The following DOCK3 variants were observed in gnomAD, a reference collection of about 807,000 sequenced individuals.
The protein encoded by DOCK3 is dedicator of cytokinesis protein 3.
Under a neutral mutation model 265.6 loss-of-function variants are expected in DOCK3, and 60 were observed. The ratio of observed to expected loss-of-function variants is 0.23; its 90% CI spans 0.18 to 0.28. DOCK3 has a LOEUF of 0.28. Among genes scored for constraint, DOCK3 ranks in the 10% least tolerant of loss-of-function variants. The pLI is 1.00. For synonymous variants in DOCK3, 881 were observed against 938.0 expected, an observed-to-expected ratio of 0.94 and a Z score of 1.11; for missense variants, 1,981 against 2,594.3, an observed-to-expected ratio of 0.76 and a Z score of 5.14.
chr3:51,075,927 A>G (rs2082041350), intron 7 of DOCK3, among the ~76,000 whole-genome samples: 1 of 152,220 alleles, frequency 6.6e-6, no homozygotes, highest in African/African-American at 2.4e-5. Flanking sequence ...TCTAGATGCA[A>G]AGTAAATAAA....
chr3:51,129,623 C>T (rs1277122971), intron 9 of DOCK3, among the ~76,000 whole-genome samples: 1 of 152,130 alleles, frequency 6.6e-6, no homozygotes, highest in Non-Finnish European at 1.5e-5. Flanking sequence ...TGACTTAACC[C>T]ATAGTCAAAC....
intron 9 of DOCK3, among the ~76,000 whole-genome samples, chr3:51,105,684 A>G (rs1339050831): frequency 2.0e-5 from 3 of 152,216 alleles, no homozygotes; most frequent in African/African-American, 7.2e-5. Context: ...CAAGATGGCC[A>G]ATTAGATGGA....
intron 4 of DOCK3, among the ~76,000 whole-genome samples, chr3:50,896,220 T>C (rs2048888582): frequency 6.6e-6 from 1 of 152,228 alleles, no homozygotes; most frequent in Non-Finnish European, 1.5e-5. Context: ...TATTTCATTG[T>C]GGTTTTGATT....
At chr3:51,298,774 G>T (rs1248979362) in intron 27 of DOCK3, among the ~76,000 whole-genome samples, 1 of 152,126 alleles carries the variant, frequency 6.6e-6, no homozygotes, top group African/African-American at 2.4e-5. Flanking sequence ...AGTATTCCAT[G>T]GTGTATATGT....
chr3:50,915,508 T>C (rs1221983937), intron 4 of DOCK3, among the ~76,000 whole-genome samples: 1 of 152,058 alleles, frequency 6.6e-6, no homozygotes, highest in Non-Finnish European at 1.5e-5. Flanking sequence ...GTGTGGCCTG[T>C]AGGGCAAGGT....
At chr3:50,868,159 C>T (rs2047234511) in intron 3 of DOCK3, among the ~76,000 whole-genome samples, 1 of 151,944 alleles carries the variant, frequency 6.6e-6, no homozygotes, top group Non-Finnish European at 1.5e-5. Context: ...CTACAACCTC[C>T]ACCTCCCAGG....
intron 5 of DOCK3, among the ~76,000 whole-genome samples, chr3:51,036,083 C>A (rs1181001876): frequency 6.6e-6 from 1 of 152,134 alleles, no homozygotes; most frequent in African/African-American, 2.4e-5. Context: ...TTTTAAACAT[C>A]ACTGGGGATG....
intron 1 of DOCK3, among the ~76,000 whole-genome samples, chr3:50,758,907 A>G (rs2040359680): frequency 6.6e-6 from 1 of 152,332 alleles, no homozygotes; most frequent in East Asian, 1.9e-4. Context: ...TTAGTGTAGT[A>G]CTTTCAAGGT....
At chr3:51,056,171 G>A (rs1268625241) in intron 5 of DOCK3, among the ~76,000 whole-genome samples, 2 of 152,168 alleles carry the variant, frequency 1.3e-5, no homozygotes, top group Non-Finnish European at 2.9e-5. Context: ...TTTGTACTCA[G>A]TTGCTGACTA....
chr3:50,948,245 C>CG (rs2076490850), intron 5 of DOCK3, among the ~76,000 whole-genome samples: 1 of 150,764 alleles, frequency 6.6e-6, no homozygotes. Context: ...TTAGTAGAGA[C>CG]GGGGTTTCAC....
At chr3:50,823,180 T>G (rs879424222) in intron 2 of DOCK3, among the ~76,000 whole-genome samples, 52 of 152,090 alleles carry the variant, frequency 3.4e-4, no homozygotes, top group Non-Finnish European at 5.4e-4. Flanking sequence ...TTTTTTTTAT[T>G]GATCATTCTT....
chr3:51,282,665 A>G (rs980418755), intron 27 of DOCK3, among the ~76,000 whole-genome samples: 11 of 119,668 alleles, frequency 9.2e-5, no homozygotes, highest in South Asian at 6.2e-4. Context: ...AAAAAAAAAA[A>G]AAAAGAAAAG....
chr3:50,754,674 C>G (rs968144713), intron 1 of DOCK3, among the ~76,000 whole-genome samples: 1 of 151,642 alleles, frequency 6.6e-6, no homozygotes, highest in Non-Finnish European at 1.5e-5. Context: ...ATTTTCCTGC[C>G]TAAGCCTCCC....
intron 33 of DOCK3, among the ~76,000 whole-genome samples, chr3:51,330,588 G>A (rs1194112296): frequency 6.6e-6 from 1 of 152,170 alleles, no homozygotes; most frequent in African/African-American, 2.4e-5. Context: ...ATCCTCCTTT[G>A]AGAGACAGGT....
chr3:51,258,922 A>G (rs1168473694), intron 22 of DOCK3, among the ~76,000 whole-genome samples: 1 of 152,224 alleles, frequency 6.6e-6, no homozygotes, highest in Non-Finnish European at 1.5e-5. Flanking sequence ...ATAAGCTAAT[A>G]AATGAAGCTA....
chr3:50,716,517 G>A (rs1327574685), intron 1 of DOCK3, among the ~76,000 whole-genome samples: 2 of 151,222 alleles, frequency 1.3e-5, no homozygotes, highest in Non-Finnish European at 2.9e-5. Context: ...GACAGAGCGA[G>A]ACTCCGTCTC....
chr3:51,377,862 A>C (rs778191902), intron 51 of DOCK3, among the ~76,000 whole-genome samples: 3 of 152,230 alleles, frequency 2.0e-5, no homozygotes, highest in Admixed American at 6.5e-5. Flanking sequence ...CTAGGTGTGC[A>C]TCTGAGATCC....
intron 3 of DOCK3, among the ~76,000 whole-genome samples, chr3:50,862,801 G>T (rs561193919): frequency 6.6e-6 from 1 of 152,082 alleles, no homozygotes; most frequent in Non-Finnish European, 1.5e-5. Context: ...TGTGTAGGGA[G>T]GGGGAGTTGG....
intron 3 of DOCK3, among the ~76,000 whole-genome samples, chr3:50,874,042 G>GTTTTTTT: frequency 8.7e-6 from 1 of 115,164 alleles, no homozygotes; most frequent in Non-Finnish European, 1.9e-5. Flanking sequence ...TCATGAAGGT[G>GTTTTTTT]TTTTTTTTTT....
Sources: gnomAD v4.1 joint callset for allele counts (sites outside exome capture counted in the v4.1 genomes callset) on GRCh38, gnomAD v4.1.1 for gene constraint, MANE v1.5 for transcripts, NCBI Gene and HGNC (gene_info 2026-07-23, HGNC 2026-07-21) for gene names.